Variants in STX8 observed in about 807,000 individuals in gnomAD.
STX8 encodes the protein syntaxin-8.
Under a neutral mutation model 37.5 loss-of-function variants are expected in STX8, and 23 were observed. The observed-to-expected ratio is 0.61, with a 90% CI of 0.44 to 0.87. The LOEUF (loss-of-function observed/expected upper bound fraction) is 0.87, where lower values mean the gene tolerates loss of function less well. Among genes scored for constraint, STX8 ranks in the 40% least tolerant of loss-of-function variants. The pLI, the probability that STX8 is intolerant of heterozygous loss-of-function variation, is 0.00. For synonymous variants in STX8, 115 were observed against 99.1 expected (o/e 1.16, Z -0.95); for missense variants, 313 against 284.7 (o/e 1.10, Z -0.71).
chr17:9,429,275 T>C (rs939955726), intron 6 of STX8, among the ~76,000 whole-genome samples: 1 of 146,860 alleles, frequency 6.8e-6, no homozygotes, highest in Non-Finnish European at 1.5e-5. Flanking sequence ...CATTTTGTTT[T>C]ATATATTATA....
intron 7 of STX8, among the ~76,000 whole-genome samples, chr17:9,322,488 C>A (rs1040359919): frequency 6.6e-6 from 1 of 152,150 alleles, no homozygotes; most frequent in South Asian, 2.1e-4. Context: ...CAGCAGGGGA[C>A]GCTGAGCACT....
At chr17:9,555,722 C>T (rs1411312890) in intron 3 of STX8, 1 of 152,144 alleles carries the variant, frequency 6.6e-6, no homozygotes, top group Non-Finnish European at 1.5e-5. Flanking sequence ...TGGTGAAACC[C>T]CGTCTCTACT....
At chr17:9,336,198 A>G (rs1260775776) in intron 7 of STX8, among the ~76,000 whole-genome samples, 1 of 152,216 alleles carries the variant, frequency 6.6e-6, no homozygotes, top group Non-Finnish European at 1.5e-5. Context: ...ACCTTGTAGA[A>G]AAGCAAGTGC....
In STX8 at chr17:9,505,034, G is replaced by A. The variant is rs1246800007; in HGVS notation, c.448+4C>T. The A allele has an allele frequency of 6.4e-7, 1 of 1,566,886 alleles. No individual in the cohort carries two copies. Among genetic ancestry groups the A allele is most frequent in the South Asian group, 1.1e-5 (1 of 90,168 alleles). ...GAGCCCACACTCCTCAGGATATTTA[G>A]TACCTTGGATAATTTTCTGCTGCTG... On this transcript the variant is annotated splice_donor_region_variant and intron_variant, in intron 5 of 7. Transcript: ENST00000306357.
chr17:9,423,527 T>G (rs2142355018), intron 6 of STX8, among the ~76,000 whole-genome samples: 1 of 152,280 alleles, frequency 6.6e-6, no homozygotes, highest in Admixed American at 6.5e-5. Context: ...CGTTTCACCA[T>G]GTTGTTAAGG....
chr17:9,411,545 G>A (rs749006002), intron 6 of STX8, among the ~76,000 whole-genome samples: 9 of 152,184 alleles, frequency 5.9e-5, no homozygotes, highest in Non-Finnish European at 1.0e-4. Context: ...AACTTGGTTT[G>A]TAAAATTCTC....
rs546501424 is a variant in STX8, at chr17:9,560,710, T to C, written c.118-3182A>G. On this transcript the variant is annotated intron_variant, in intron 2 of 7. Coordinates refer to ENST00000306357, the MANE Select transcript of STX8 (RefSeq NM_004853.3). ...GAAATTCCATTTGGAATTCTTTTAT[T>C]GCAGAAGAGGTGATAATTAAGGCAC... Among the ~76,000 whole-genome samples the C allele has an allele frequency of 1.3e-4, 20 of 150,780 alleles. No individual in the cohort carries two copies. In the South Asian group the frequency reaches 3.8e-3, roughly 28 times the overall value.
chr17:9,364,266 C>T (rs1274588447), intron 7 of STX8, among the ~76,000 whole-genome samples: 1 of 152,122 alleles, frequency 6.6e-6, no homozygotes, highest in East Asian at 1.9e-4. Flanking sequence ...CATCAAAGTG[C>T]CACAGTATTC....
At chr17:9,253,810 C>T (rs1906682123) in intron 7 of STX8, among the ~76,000 whole-genome samples, 1 of 152,148 alleles carries the variant, frequency 6.6e-6, no homozygotes, top group South Asian at 2.1e-4. Context: ...ATTGTCAAAT[C>T]AGGGTGATTA....
intron 5 of STX8, among the ~76,000 whole-genome samples, chr17:9,498,303 T>A (rs1424609479): frequency 6.6e-6 from 1 of 150,954 alleles, no homozygotes; most frequent in Non-Finnish European, 1.5e-5. Context: ...GGCTGGAGAA[T>A]CACTTGAACC....
chr17:9,489,888 C>T (rs915149086), intron 6 of STX8, among the ~76,000 whole-genome samples: 1 of 152,080 alleles, frequency 6.6e-6, no homozygotes, highest in Non-Finnish European at 1.5e-5. Flanking sequence ...CAGGGTTTCA[C>T]CATGCTGGCC....
rs144149861 is a variant in STX8 at position 9,368,894 on chromosome 17, T to A, written c.643+9658A>T. Among the ~76,000 whole-genome samples, 11 of 151,672 alleles carry A rather than the reference T, an allele frequency of 7.3e-5. No individual in the cohort carries two copies. The East Asian group carries it at 2.1e-3, about 29-fold the overall frequency. The stretch of plus-strand genomic sequence containing the variant: ...TACAGCATGTGTCCCCTCTCTCCTA[T>A]ACTCTTAAGTCCTATCTACCTTTTA... On this transcript the variant is annotated intron_variant, in intron 7 of 7. Coordinates refer to ENST00000306357, the MANE Select transcript of STX8 (RefSeq NM_004853.3).
intron 7 of STX8, among the ~76,000 whole-genome samples, chr17:9,315,139 C>T (rs925812078): frequency 6.8e-6 from 1 of 146,862 alleles, no homozygotes; most frequent in African/African-American, 2.5e-5. Flanking sequence ...ACAATAGTAA[C>T]AAAAACAAGA....
At chr17:9,504,925 G>T in intron 5 of STX8, 113 bp downstream of exon 5, 1 of 1,125,882 alleles carries the variant, frequency 8.9e-7, no homozygotes, top group Non-Finnish European at 1.2e-6. Flanking sequence ...AGTGAGCCAA[G>T]ATCACGCCAC....
At chr17:9,438,532 C>T (rs1904525569) in intron 6 of STX8, among the ~76,000 whole-genome samples, 1 of 152,106 alleles carries the variant, frequency 6.6e-6, no homozygotes, top group East Asian at 1.9e-4. Context: ...TAAACATTTT[C>T]TGCAATGGGC....
intron 6 of STX8, among the ~76,000 whole-genome samples, chr17:9,456,470 C>T (rs1305643736): frequency 6.6e-6 from 1 of 152,210 alleles, no homozygotes; most frequent in Non-Finnish European, 1.5e-5. Context: ...CCGGTGATAA[C>T]CACTTTCATA....
intron 6 of STX8, among the ~76,000 whole-genome samples, chr17:9,429,364 A>C (rs1315805564): frequency 6.9e-6 from 1 of 144,932 alleles, no homozygotes; most frequent in Admixed American, 7.1e-5. Context: ...ATATATAATA[A>C]ATATTTATAT....
At chr17:9,537,029 T>C (rs1906088706) in intron 4 of STX8, among the ~76,000 whole-genome samples, 1 of 152,180 alleles carries the variant, frequency 6.6e-6, no homozygotes, top group Non-Finnish European at 1.5e-5. Flanking sequence ...ATTACAGGCA[T>C]GAGCCACCGC....
chr17:9,274,316 TA>T lies in STX8; in HGVS notation c.644-23672del, dbSNP rs914162652. 1.8e-3 allele frequency among the ~76,000 whole-genome samples: 278 copies of T among 151,718 alleles called. 2 individuals carry two copies. Among genetic ancestry groups the T allele is most frequent in the African/African-American group, 6.6e-3 (271 of 41,370 alleles). On this transcript the variant is annotated intron_variant, in intron 7 of 7. Coordinates refer to ENST00000306357, the MANE Select transcript of STX8 (RefSeq NM_004853.3). ...TGGCTTTGTTCATAACTTCCTGCAGTAAAAAAAAGTCTTCAAAAAACCCAAA... is the reference window on the plus strand; with the variant it reads ...TGGCTTTGTTCATAACTTCCTGCAGTAAAAAAAGTCTTCAAAAAACCCAAA...
Sources: allele counts gnomAD v4.1 joint callset (sites outside exome capture counted in the v4.1 genomes callset), GRCh38; gene constraint gnomAD v4.1.1; transcripts MANE v1.5; gene names NCBI Gene and HGNC (gene_info 2026-07-23, HGNC 2026-07-21).